The following HPCAL1 variants were observed in gnomAD, a reference collection of about 807,000 sequenced individuals.
The protein encoded by HPCAL1 is hippocalcin-like protein 1.
Under a neutral mutation model 17.1 loss-of-function variants are expected in HPCAL1, and 8 were observed. The observed-to-expected ratio is 0.47, with a 90% CI of 0.27 to 0.84. The LOEUF is 0.84. Ranked by LOEUF, HPCAL1 falls within the 40% of genes least tolerant of loss-of-function variation. The pLI is 0.13. For missense variants in HPCAL1, 165 were observed against 271.1 expected, an observed-to-expected ratio of 0.61 and a Z score of 2.75; for synonymous variants, 112 against 111.4, an observed-to-expected ratio of 1.01 and a Z score of -0.03.
intron 1 of HPCAL1, among the ~76,000 whole-genome samples, chr2:10,341,991 A>G (rs145041809): frequency 1.6e-3 from 236 of 151,524 alleles, no homozygotes; most frequent in African/African-American, 5.5e-3. Context: ...CTCTGTCTCT[A>G]GATAAAGTTT....
chr2:10,381,426 G>T (rs961739571), intron 1 of HPCAL1, among the ~76,000 whole-genome samples: 1 of 152,178 alleles, frequency 6.6e-6, no homozygotes, highest in Non-Finnish European at 1.5e-5. Context: ...TGGATGCGAC[G>T]CTCCTTCTGG....
In HPCAL1 at chr2:10,426,875, G is replaced by T. The variant is rs1169949594; in HGVS notation, c.*54G>T. 45 of 1,506,444 alleles carry T rather than the reference G, an allele frequency of 3.0e-5. No homozygotes were observed. The highest frequency in any genetic ancestry group is 5.5e-6 in the Non-Finnish European group (6 of 1,084,536). The allele number at this position is 1,506,444 out of a possible 1,614,324, so 93.3% of individuals were successfully genotyped here. A position where few individuals can be genotyped will look rare whatever the true frequency, so the allele number is the denominator to read the frequency against. On this transcript the variant is annotated 3_prime_UTR_variant, in exon 5 of 5. Coordinates refer to ENST00000307845, the MANE Select transcript of HPCAL1 (RefSeq NM_002149.4). ...AACACAGGCTTGTCGTGCCGTTTAA[G>T]CTTTGCTTGCAAGAGTGGATGCCCC...
intron 1 of HPCAL1, among the ~76,000 whole-genome samples, chr2:10,319,421 A>G (rs1258827263): frequency 6.6e-6 from 1 of 152,186 alleles, no homozygotes; most frequent in East Asian, 1.9e-4. Context: ...TGTACTGGGC[A>G]GTCTGGGAGC....
In HPCAL1 at chr2:10,331,697, C is replaced by A. The variant is rs941347115; in HGVS notation, c.-111+28520C>A. ...TGTCAGAGGCATCTGTCTCTTCCCC[C>A]GCATGCATCTTTCTCCCCGTCTGGC... On this transcript the variant is annotated intron_variant, in intron 1 of 4. Transcript: ENST00000307845. The surrounding 1 kb of genome is among the most constrained non-coding windows in gnomAD (Gnocchi z 5.0). 6.6e-6 allele frequency among the ~76,000 whole-genome samples: 1 copy of A among 152,168 alleles called. No homozygotes were observed. Among genetic ancestry groups the A allele is most frequent in the Non-Finnish European group, 1.5e-5 (1 of 68,032 alleles).
intron 4 of HPCAL1, chr2:10,424,147 T>G: frequency 4.0e-6 from 1 of 251,400 alleles, no homozygotes; most frequent in Non-Finnish European, 8.0e-6. Flanking sequence ...AACGATAAGC[T>G]AATGCCCAAG....
chr2:10,393,517 C>A lies in HPCAL1; in HGVS notation c.-110-3318C>A, dbSNP rs181118941. Among the ~76,000 whole-genome samples, 624 of 152,378 alleles carry A rather than the reference C, an allele frequency of 4.1e-3. 5 individuals are homozygous for A. Among genetic ancestry groups the A allele is most frequent in the African/African-American group, 0.014 (590 of 41,594 alleles). ...AAGGCACAGGCCAACCTGGAACCAGCACTTCCTCTCCACCCTCCCACCACC... is the reference window on the plus strand; with the variant it reads ...AAGGCACAGGCCAACCTGGAACCAGAACTTCCTCTCCACCCTCCCACCACC... On this transcript the variant is annotated intron_variant, in intron 1 of 4. Coordinates refer to ENST00000307845, the MANE Select transcript of HPCAL1 (RefSeq NM_002149.4).
Position 10,422,974 on chromosome 2 carries a change from C to T in HPCAL1, c.379-9C>T, listed in dbSNP as rs758139246. ...CCTCTGAGCACAGTGTCATTGCCCC[C>T]ATCCGCAGGCCATCTACAAGATGGT... On this transcript the variant is annotated splice_polypyrimidine_tract_variant and intron_variant, in intron 3 of 4. Transcript: ENST00000307845. 1.2e-6 allele frequency: 2 copies of T among 1,602,440 alleles called. No individual in the cohort carries two copies. The highest frequency in any genetic ancestry group is 1.7e-6 in the Non-Finnish European group (2 of 1,170,126).
rs759094665 is a variant in HPCAL1, at chr2:10,419,883, C to T, written c.126C>T (p.His42=). ...KGFLKDCPTG[H]LTVDEFKKIY... is the part of the protein sequence containing the mutation. ...TCCTCAAGGACTGCCCCACCGGCCA[C>T]CTGACCGTGGACGAGTTCAAGAAGA... Residue 42 remains histidine (H), a synonymous_variant, in exon 3 of 5, where the codon CAC becomes CAT. Coordinates refer to ENST00000307845, the MANE Select transcript of HPCAL1 (RefSeq NM_002149.4). This position sits in a 1 kb window ranked among gnomAD's most constrained non-coding sequence, Gnocchi z 5.0. 52 of 1,613,766 alleles carry T rather than the reference C, an allele frequency of 3.2e-5. No homozygotes were observed. The East Asian group carries it at 1.0e-3, about 32-fold the overall frequency.
intron 3 of HPCAL1, among the ~76,000 whole-genome samples, chr2:10,422,453 A>T (rs1671123975): frequency 6.6e-6 from 1 of 152,160 alleles, no homozygotes; most frequent in African/African-American, 2.4e-5. Flanking sequence ...ACACGCAGAG[A>T]GACCAGTGGC....
intron 2 of HPCAL1, among the ~76,000 whole-genome samples, chr2:10,400,795 A>G (rs994690083): frequency 6.6e-6 from 1 of 152,088 alleles, no homozygotes; most frequent in African/African-American, 2.4e-5. Flanking sequence ...ACACATACAC[A>G]CATTGTGGGC....
At position 10,418,465 on chromosome 2, in the gene HPCAL1, A is replaced by C. The variant is rs970839126; in HGVS notation, c.-24-1269A>C. Among the ~76,000 whole-genome samples the C allele has an allele frequency of 1.7e-4, 26 of 151,128 alleles. No homozygotes were observed. In the East Asian group the frequency reaches 2.1e-3, roughly 12 times the overall value. On this transcript the variant is annotated intron_variant, in intron 2 of 4. Coordinates refer to ENST00000307845, the MANE Select transcript of HPCAL1 (RefSeq NM_002149.4). ...CCATCTCAAAAAAAAAAAAAAAAAA[A>C]AAAAAACAACCCTGGGATAGAGGCA... is the stretch of plus-strand genomic sequence containing the variant.
At chr2:10,337,915 G>A (rs779552265) in intron 1 of HPCAL1, among the ~76,000 whole-genome samples, 14 of 152,170 alleles carry the variant, frequency 9.2e-5, no homozygotes, top group East Asian at 1.9e-4. Flanking sequence ...CCATGGCTGC[G>A]CCGGCTTAGT....
At chr2:10,390,538 T>C (rs1438015543) in intron 1 of HPCAL1, among the ~76,000 whole-genome samples, 3 of 152,146 alleles carry the variant, frequency 2.0e-5, no homozygotes, top group Non-Finnish European at 4.4e-5. Flanking sequence ...TAAGGGACTT[T>C]GCTTTGTAAT....
chr2:10,370,718 T>C (rs952137200), intron 1 of HPCAL1, among the ~76,000 whole-genome samples: 1 of 152,220 alleles, frequency 6.6e-6, no homozygotes, highest in South Asian at 2.1e-4. Flanking sequence ...GAGCCACCCA[T>C]ACAGGTGTAC....
At chr2:10,351,315 A>G (rs1178515521) in intron 1 of HPCAL1, among the ~76,000 whole-genome samples, 1 of 152,264 alleles carries the variant, frequency 6.6e-6, no homozygotes, top group East Asian at 1.9e-4. Flanking sequence ...AAGACCACAT[A>G]TAATACGATT....
chr2:10,417,909 G>C (rs970633637), intron 2 of HPCAL1, among the ~76,000 whole-genome samples: 3 of 152,048 alleles, frequency 2.0e-5, no homozygotes, highest in Admixed American at 6.6e-5. Context: ...GGGTGTGGTG[G>C]TGTGTGCCCA....
chr2:10,354,118 A>G lies in HPCAL1; in HGVS notation c.-110-42717A>G, dbSNP rs1426467173. ...GCGCTCACTCCTCCCACGGCGATGC[A>G]TTCCAGCCGTCGAATTATGTAGTTC... On this transcript the variant is annotated intron_variant, in intron 1 of 4. Transcript: ENST00000307845. This position sits in a 1 kb window ranked among gnomAD's most constrained non-coding sequence, Gnocchi z 5.1. 6.6e-6 allele frequency: 1 copy of G among 152,184 alleles called. No individual in the cohort carries two copies. The highest frequency in any genetic ancestry group is 1.5e-5 in the Non-Finnish European group (1 of 68,044). The allele number at this position is 152,184 out of a possible 1,614,324, so 9.4% of individuals were successfully genotyped here.
intron 1 of HPCAL1, among the ~76,000 whole-genome samples, chr2:10,364,895 G>A (rs570985359): frequency 2.6e-5 from 4 of 152,114 alleles, no homozygotes; most frequent in East Asian, 1.9e-4. Context: ...ATCCCTCCCC[G>A]CTTTTATGTC....
At chr2:10,406,926 G>T (rs151161188) in intron 2 of HPCAL1, among the ~76,000 whole-genome samples, 1 of 152,144 alleles carries the variant, frequency 6.6e-6, no homozygotes, top group Non-Finnish European at 1.5e-5. Context: ...CTCCCCAGAG[G>T]CTCATGTATG....
Sources: gnomAD v4.1 joint callset for allele counts (sites outside exome capture counted in the v4.1 genomes callset) on GRCh38, gnomAD v4.1.1 for gene constraint, Gnocchi (gnomAD v3.1) non-coding constraint, MANE v1.5 for transcripts, NCBI Gene and HGNC (gene_info 2026-07-23, HGNC 2026-07-21) for gene names.